GLT1D1: variants seen among roughly 807,000 people sequenced by gnomAD.
The protein encoded by GLT1D1 is glycosyltransferase 1 domain-containing protein 1.
Under a neutral mutation model 28.7 loss-of-function variants are expected in GLT1D1, and 21 were observed. The ratio of observed to expected loss-of-function variants is 0.73; its 90% confidence interval spans 0.52 to 1.05. GLT1D1 has a LOEUF of 1.05. Ranked by LOEUF, GLT1D1 falls within the 50% of genes least tolerant of loss-of-function variation. The probability of loss-of-function intolerance (pLI) is 0.00; values close to 1 mark genes in which losing one functional copy is unlikely to be tolerated. For synonymous variants in GLT1D1, 147 were observed against 124.8 expected (o/e 1.18, Z -1.19); for missense variants, 343 against 330.6 (o/e 1.04, Z -0.29).
At chr12:128,982,854 C>A in intron 7 of GLT1D1, 75 bp from the exon 12 acceptor site, 1 of 1,400,668 alleles carries the variant, frequency 7.1e-7, no homozygotes, top group Non-Finnish European at 1.0e-6. Flanking sequence ...CCAATGCAGA[C>A]ACAGGATCTT....
At chr12:128,947,263 T>G in intron 5 of GLT1D1, 75 bp from the exon 10 acceptor site, 1 of 1,574,140 alleles carries the variant, frequency 6.4e-7, no homozygotes, top group Non-Finnish European at 8.7e-7. Flanking sequence ...ACCCAAATTG[T>G]CATCTCTCCT....
intron 7 of GLT1D1, among the ~76,000 whole-genome samples, chr12:128,979,472 T>A (rs1029651323): frequency 2.0e-5 from 3 of 152,084 alleles, no homozygotes; most frequent in African/African-American, 7.2e-5. Flanking sequence ...CACCCTCAGC[T>A]CTTAGAAGCT....
chr12:128,930,171 C>T (rs1301609994), intron 4 of GLT1D1: 2 of 152,112 alleles, frequency 1.3e-5, no homozygotes, highest in African/African-American at 4.8e-5. Flanking sequence ...CATGTTAAGT[C>T]CCATAGAGGT....
intron 4 of GLT1D1, among the ~76,000 whole-genome samples, chr12:128,908,977 A>AT (rs201149241): frequency 1.1e-4 from 17 of 151,776 alleles, no homozygotes; most frequent in East Asian, 3.9e-4. Flanking sequence ...AAATAAATAA[A>AT]AAATAAACAC....
intron 5 of GLT1D1, 55 bp downstream of exon 9, chr12:128,945,424 T>A: frequency 7.3e-7 from 1 of 1,368,588 alleles, no homozygotes; most frequent in Non-Finnish European, 1.0e-6. Flanking sequence ...GAGTGGCCCC[T>A]GGGTTACCTG....
At chr12:128,908,355 T>TCC (rs1491182709) in intron 4 of GLT1D1, among the ~76,000 whole-genome samples, 4 of 28,068 alleles carry the variant, frequency 1.4e-4, no homozygotes, top group African/African-American at 1.9e-4. Flanking sequence ...TCCCTTTCTT[T>TCC]CTTTCTTTTC....
chr12:128,979,499 CT>C (rs1424831126), intron 7 of GLT1D1, among the ~76,000 whole-genome samples: 1 of 152,192 alleles, frequency 6.6e-6, no homozygotes, highest in Non-Finnish European at 1.5e-5. Context: ...ACAGATGCCC[CT>C]GGATGTGTGA....
At chr12:128,907,889 T>C (rs1372773895) in intron 4 of GLT1D1, among the ~76,000 whole-genome samples, 3 of 152,212 alleles carry the variant, frequency 2.0e-5, no homozygotes, top group Non-Finnish European at 2.9e-5. Context: ...CAGAGCATGG[T>C]AGGGGAATCT....
chr12:128,886,671 C>T (rs1300180963), intron 2 of GLT1D1, among the ~76,000 whole-genome samples: 1 of 152,084 alleles, frequency 6.6e-6, no homozygotes, highest in East Asian at 1.9e-4. Flanking sequence ...TCTGGCCTCC[C>T]TCTTCCACTT....
rs752027478 is a variant in GLT1D1 at position 128,876,104 on chromosome 12, G to A, written c.217+42G>A. 14 of 1,565,176 alleles carry A rather than the reference G, an allele frequency of 8.9e-6. No individual in the cohort carries two copies. The South Asian group carries it at 1.4e-4, about 16-fold the overall frequency. The stretch of plus-strand genomic sequence containing the variant: ...TCAAAAGTAAAACACTAGAAATTCT[G>A]AAAACCGGAAGTGCCTGTAATGTCC... On this transcript the variant is annotated intron_variant, in intron 2 of 7. Coordinates refer to ENST00000281703, the MANE Select transcript of GLT1D1 (RefSeq NM_144669.3).
At chr12:128,912,354 T>G in intron 4 of GLT1D1, 70 bp from the exon 5 acceptor site, 1 of 998,520 alleles carries the variant, frequency 1.0e-6, no homozygotes, top group Non-Finnish European at 1.5e-6. Flanking sequence ...ACCTTCATTT[T>G]ATTTCTAAAA....
chr12:128,962,451 C>A (rs1009894058), intron 7 of GLT1D1, among the ~76,000 whole-genome samples: 34 of 152,300 alleles, frequency 2.2e-4, no homozygotes, highest in Admixed American at 2.0e-3. Context: ...GACTTCCTGG[C>A]AAACAGGTGT....
intron 3 of GLT1D1, among the ~76,000 whole-genome samples, chr12:128,895,409 G>T (rs776560847): frequency 2.7e-4 from 41 of 151,926 alleles, no homozygotes; most frequent in Non-Finnish European, 7.4e-5. Flanking sequence ...TAGAAGTCTG[G>T]GCAAGTTAGG....
intron 7 of GLT1D1, among the ~76,000 whole-genome samples, chr12:128,976,903 TG>T (rs986777484): frequency 2.0e-5 from 3 of 152,186 alleles, no homozygotes; most frequent in Non-Finnish European, 2.9e-5. Context: ...CCCAGCACTT[TG>T]GGAGACCAAT....
intron 7 of GLT1D1, among the ~76,000 whole-genome samples, chr12:128,968,125 A>G (rs748227148): frequency 1.3e-5 from 2 of 151,984 alleles, no homozygotes; most frequent in Non-Finnish European, 2.9e-5. Flanking sequence ...CCTCCCGAGT[A>G]GCTAGGACTG....
intron 7 of GLT1D1, among the ~76,000 whole-genome samples, chr12:128,966,680 T>C (rs976498152): frequency 1.4e-4 from 21 of 152,196 alleles, no homozygotes; most frequent in African/African-American, 4.8e-4. Flanking sequence ...GAGCACAGGG[T>C]CCCGGGGTGG....
chr12:128,924,109 T>A (rs1872938081), intron 4 of GLT1D1, among the ~76,000 whole-genome samples: 1 of 152,066 alleles, frequency 6.6e-6, no homozygotes, highest in South Asian at 2.1e-4. Context: ...CAGGGCCTCA[T>A]GCAGCCGGGA....
chr12:128,902,073 T>C (rs648102), intron 4 of GLT1D1, among the ~76,000 whole-genome samples: 105,041 of 151,510 alleles, frequency 0.69, 37,707 homozygotes, highest in African/African-American at 0.86. Flanking sequence ...TGAAAGATCT[T>C]CATGACTCAG....
At chr12:128,905,574 G>T (rs1293617389) in intron 4 of GLT1D1, among the ~76,000 whole-genome samples, 1 of 152,190 alleles carries the variant, frequency 6.6e-6, no homozygotes, top group Non-Finnish European at 1.5e-5. Context: ...AGTTTGATTG[G>T]ATTTCAGTAA....
Sources: gnomAD v4.1 joint callset for allele counts (sites outside exome capture counted in the v4.1 genomes callset) on GRCh38, gnomAD v4.1.1 for gene constraint, MANE v1.5 for transcripts, NCBI Gene and HGNC (gene_info 2026-07-23, HGNC 2026-07-21) for gene names.